Variants in VAPB observed in about 807,000 individuals in gnomAD.
The protein encoded by VAPB is VAMP associated protein B and C.
VAPB carries 7 observed loss-of-function variants against 25.6 expected under a neutral mutation model. The ratio of observed to expected loss-of-function variants is 0.27; its 90% confidence interval spans 0.16 to 0.51. The LOEUF is 0.51. VAPB is among the 20% of genes least tolerant of loss of function. The pLI, the probability that VAPB is intolerant of heterozygous loss-of-function variation, is 0.97. For synonymous variants in VAPB, 112 were observed against 109.2 expected (o/e 1.03, Z -0.16); for missense variants, 266 against 301.3 (o/e 0.88, Z 0.87).
At chr20:58,404,511 TAC>T (rs1421557439) in intron 1 of VAPB, among the ~76,000 whole-genome samples, 2 of 152,242 alleles carry the variant, frequency 1.3e-5, no homozygotes, top group African/African-American at 4.8e-5. Flanking sequence ...TTACCTTTCA[TAC>T]AGTGTTCGAT....
At chr20:58,394,548 T>C (rs1987900027) in intron 1 of VAPB, among the ~76,000 whole-genome samples, 2 of 152,170 alleles carry the variant, frequency 1.3e-5, no homozygotes, top group Non-Finnish European at 2.9e-5. Context: ...TAGATTATCT[T>C]CATTTATTTA....
intron 2 of VAPB, among the ~76,000 whole-genome samples, chr20:58,424,459 G>A (rs1175524794): frequency 1.3e-5 from 2 of 151,766 alleles, no homozygotes; most frequent in African/African-American, 4.8e-5. Flanking sequence ...CTTAAGCCTC[G>A]GGGAATTGTT....
intron 3 of VAPB, among the ~76,000 whole-genome samples, chr20:58,436,517 G>A (rs1202251326): frequency 6.6e-6 from 1 of 151,474 alleles, no homozygotes; most frequent in Non-Finnish European, 1.5e-5. Context: ...TGTAGAGACA[G>A]GTTTTCTCCA....
chr20:58,444,367 C>T lies in VAPB; in HGVS notation c.*132C>T. 7.9e-7 allele frequency: 1 copy of T among 1,271,404 alleles called. No homozygotes were observed. The highest frequency in any genetic ancestry group is 1.1e-6 in the Non-Finnish European group (1 of 876,860). 78.8% of individuals were successfully genotyped at this position (1,271,404 alleles called of 1,614,324 possible). ...CACAGGTCTTGCCTTTAAATTACCC[C>T]TCCCTGCACACACATACACAGATAC... is the stretch of plus-strand genomic sequence containing the variant. On this transcript the variant is annotated 3_prime_UTR_variant, in exon 6 of 6. Transcript: ENST00000475243.
intron 2 of VAPB, among the ~76,000 whole-genome samples, chr20:58,423,433 A>G (rs1242914977): frequency 2.7e-5 from 4 of 148,580 alleles, no homozygotes; most frequent in African/African-American, 9.8e-5. Context: ...AAAAAAAAAA[A>G]AAAAAAAAAA....
At chr20:58,431,218 G>C (rs1988920068) in intron 2 of VAPB, 1 of 152,162 alleles carries the variant, frequency 6.6e-6, no homozygotes, top group Non-Finnish European at 1.5e-5. Flanking sequence ...ATCATGCATG[G>C]ATTGTTTGGA....
chr20:58,429,394 C>T (rs754529509), intron 2 of VAPB, among the ~76,000 whole-genome samples: 7 of 152,358 alleles, frequency 4.6e-5, no homozygotes, highest in Non-Finnish European at 8.8e-5. Context: ...TGATTGCTTA[C>T]ACCCACTGCC....
chr20:58,444,754 C>T lies in VAPB; in HGVS notation c.*519C>T, dbSNP rs1467904621. Reference sequence around the variant, plus strand: ...GCTCCTTGGGACTGATGAACAGAGTCAGAAGCCCAAAGGAATTGCACTGTG... The same window carrying T: ...GCTCCTTGGGACTGATGAACAGAGTTAGAAGCCCAAAGGAATTGCACTGTG... On this transcript the variant is annotated 3_prime_UTR_variant, in exon 6 of 6. Coordinates refer to ENST00000475243, the MANE Select transcript of VAPB (RefSeq NM_004738.5). 2.2e-6 allele frequency: 1 copy of T among 454,524 alleles called. No homozygotes were observed. The highest frequency in any genetic ancestry group is 4.4e-6 in the Non-Finnish European group (1 of 226,810). 28.2% of individuals were successfully genotyped at this position (454,524 alleles called of 1,614,324 possible).
At position 58,446,630 on chromosome 20, in the gene VAPB, A is replaced by C. The variant is rs1347901148; in HGVS notation, c.*2395A>C. The C allele has an allele frequency of 2.2e-6, 1 of 453,970 alleles. No individual in the cohort carries two copies. 28.1% of individuals were successfully genotyped at this position (453,970 alleles called of 1,614,324 possible). A position where few individuals can be genotyped will look rare whatever the true frequency, so the allele number is the denominator to read the frequency against. On this transcript the variant is annotated 3_prime_UTR_variant, in exon 6 of 6. Transcript: ENST00000475243. ...GAGAAGGTGTTCAGCTTCTCAGAGG[A>C]TGTGGACATTTTGGTTGCAGCTAAA...
At position 58,393,620 on chromosome 20, in the gene VAPB, C is replaced by G. The variant is rs186352247; in HGVS notation, c.58+4103C>G. Among the ~76,000 whole-genome samples, 254 of 152,302 alleles carry G rather than the reference C, an allele frequency of 1.7e-3. 1 individual carries two copies. The highest frequency in any genetic ancestry group is 3.4e-3 in the Middle Eastern group (1 of 294). On this transcript the variant is annotated intron_variant, in intron 1 of 5. Transcript: ENST00000475243. ...ATATATTTTTTGGTCGTTCAGGACT[C>G]TAGATCATTCCTTACATCCTAGCCC...
At chr20:58,404,890 T>G (rs1194458056) in intron 1 of VAPB, among the ~76,000 whole-genome samples, 2 of 152,116 alleles carry the variant, frequency 1.3e-5, no homozygotes, top group Non-Finnish European at 2.9e-5. Flanking sequence ...ACCTGAACCA[T>G]TCTCTTCATG....
At chr20:58,391,022 T>C (rs77388506) in intron 1 of VAPB, among the ~76,000 whole-genome samples, 20 of 152,326 alleles carry the variant, frequency 1.3e-4, no homozygotes, top group Admixed American at 4.6e-4. Context: ...TACTTGAGCT[T>C]TCATGATGTT....
rs1218196719 is a variant in VAPB at position 58,444,123 on chromosome 20, C to G, written c.620C>G (p.Pro207Arg). ...RMRKTVQSNS[P>R]ISALAPTGKE... ...AGGAAGACAGTGCAGAGCAACAGCC[C>G]CATTTCAGCATTAGCCCCAACTGGG... Residue 207 changes from proline to arginine, a missense_variant, in exon 6 of 6, where the codon CCC becomes CGC. This residue lies in a region of VAPB where 136 missense variants were observed against 130.7 expected (regional missense o/e 1.04). Transcript: ENST00000475243. 6.2e-7 allele frequency: 1 copy of G among 1,614,196 alleles called. No homozygotes were observed. The highest frequency in any genetic ancestry group is 8.5e-7 in the Non-Finnish European group (1 of 1,180,036).
chr20:58,414,972 CGGCACGT>C (rs1202123715), intron 1 of VAPB, among the ~76,000 whole-genome samples: 1 of 152,284 alleles, frequency 6.6e-6, no homozygotes, highest in African/African-American at 2.4e-5. Context: ...CCTGCAATCC[CGGCACGT>C]CGGGAGGCCG....
chr20:58,421,625 A>G (rs1036461128), intron 2 of VAPB, among the ~76,000 whole-genome samples: 4 of 152,174 alleles, frequency 2.6e-5, no homozygotes, highest in African/African-American at 9.7e-5. Context: ...CCCATTTCTG[A>G]AAACCCTTGG....
intron 1 of VAPB, among the ~76,000 whole-genome samples, chr20:58,397,460 G>A (rs147702580): frequency 1.3e-5 from 2 of 151,348 alleles, no homozygotes; most frequent in Admixed American, 6.6e-5. Context: ...CGGAGGTTGC[G>A]GTGAGCCGAG....
intron 1 of VAPB, among the ~76,000 whole-genome samples, chr20:58,394,345 C>G (rs1987895776): frequency 6.6e-6 from 1 of 152,124 alleles, no homozygotes; most frequent in Non-Finnish European, 1.5e-5. Flanking sequence ...ATCTAAAGCC[C>G]TGTGGATATA....
intron 1 of VAPB, among the ~76,000 whole-genome samples, chr20:58,413,770 G>T: frequency 6.6e-6 from 1 of 150,934 alleles, no homozygotes; most frequent in East Asian, 2.0e-4. Flanking sequence ...TGGCCGGGCG[G>T]GGGGCTGACC....
At chr20:58,440,857 C>T (rs765593198) in intron 4 of VAPB, 50 bp from the exon 5 acceptor site, 7 of 1,581,972 alleles carry the variant, frequency 4.4e-6, no homozygotes. Context: ...ATAAAAAAGT[C>T]CATTATTACA....
Sources: allele counts gnomAD v4.1 joint callset (sites outside exome capture counted in the v4.1 genomes callset), GRCh38; gene constraint gnomAD v4.1.1; regional missense constraint gnomAD v4.1.1; transcripts MANE v1.5; gene names NCBI Gene and HGNC (gene_info 2026-07-23, HGNC 2026-07-21).